FOCAD: variants seen among roughly 807,000 people sequenced by gnomAD.
The protein encoded by FOCAD is focadhesin, also known as KIAA1797.
In FOCAD, 198 loss-of-function variants were observed where a neutral mutation model predicts 225.6. The observed-to-expected ratio is 0.88, with a 90% CI of 0.78 to 0.99. The LOEUF is 0.99. FOCAD is among the 50% of genes least tolerant of loss of function. The pLI is 0.00. For synonymous variants in FOCAD, 897 were observed against 755.0 expected (o/e 1.19, Z -3.08); for missense variants, 2,713 against 2,123.6 (o/e 1.28, Z -5.46).
rs150816290 is a variant in FOCAD, at chr9:20,946,983, A to G, written c.3675+163A>G. 2.2e-3 allele frequency among the ~76,000 whole-genome samples: 341 copies of G among 152,312 alleles called. 10 individuals are homozygous for G. In the East Asian group the frequency reaches 0.044, roughly 20 times the overall value. ...TCTCACAGCTGTAGCCAAAAGTCAC[A>G]GATGTCTTTTTCTCTCCTTATCCCC... On this transcript the variant is annotated intron_variant, in intron 30 of 43. Coordinates refer to ENST00000338382, the MANE Select transcript of FOCAD (RefSeq NM_001375567.1).
At chr9:20,921,091 G>A (rs1031127530) in intron 24 of FOCAD, among the ~76,000 whole-genome samples, 2 of 151,864 alleles carry the variant, frequency 1.3e-5, no homozygotes, top group African/African-American at 4.8e-5. Flanking sequence ...AAAGCTTCAG[G>A]GATAGGGGTA....
chr9:20,688,657 C>A (rs1822800585), intron 1 of FOCAD, among the ~76,000 whole-genome samples: 1 of 152,114 alleles, frequency 6.6e-6, no homozygotes, highest in Admixed American at 6.5e-5. Context: ...AAGGGAAACG[C>A]TGGGAAACAC....
chr9:20,804,823 A>C (rs1220177326), intron 11 of FOCAD, among the ~76,000 whole-genome samples: 2 of 142,544 alleles, frequency 1.4e-5, no homozygotes, highest in Non-Finnish European at 3.0e-5. Context: ...CTGAAGATTC[A>C]TTCTTTGCTG....
intron 11 of FOCAD, among the ~76,000 whole-genome samples, chr9:20,800,137 G>C (rs62557558): frequency 0.19 from 29,089 of 151,970 alleles, 3,156 homozygotes; most frequent in South Asian, 0.34. Context: ...GAAATTCTGG[G>C]TTCAAAATTC....
chr9:20,981,833 G>A (rs962153046), intron 38 of FOCAD, 147 bp downstream of exon 38: 6 of 941,104 alleles, frequency 6.4e-6, no homozygotes, highest in Non-Finnish European at 9.4e-6. Flanking sequence ...GAGTGTATTT[G>A]TTTCCAAGAT....
Position 20,901,191 on chromosome 9 carries a change from AATGTGTGTGTGTGTGT to A in FOCAD, c.2626-5958_2626-5943del, listed in dbSNP as rs1396808766. On this transcript the variant is annotated intron_variant, in intron 21 of 43. Coordinates refer to ENST00000338382, the MANE Select transcript of FOCAD (RefSeq NM_001375567.1). ...TTTTTTTTTCTGGGAATGTGGAAAC[AATGTGTGTGTGTGTGT>A]GTGTGTGTGTGTGTGTGTGTGTGTG... 2.3e-4 allele frequency among the ~76,000 whole-genome samples: 30 copies of A among 132,424 alleles called. 1 individual carries two copies. In the East Asian group the frequency reaches 6.2e-3, roughly 27 times the overall value. The allele number at this position is 132,424 out of a possible 152,430, so 86.9% of individuals were successfully genotyped here.
intron 11 of FOCAD, among the ~76,000 whole-genome samples, chr9:20,804,485 G>A (rs1251944394): frequency 6.6e-6 from 1 of 152,068 alleles, no homozygotes; most frequent in East Asian, 1.9e-4. Flanking sequence ...GTAGAAAAAT[G>A]AAGAATCATG....
chr9:20,709,064 T>C (rs1268334987), intron 1 of FOCAD, among the ~76,000 whole-genome samples: 1 of 152,136 alleles, frequency 6.6e-6, no homozygotes, highest in East Asian at 1.9e-4. Flanking sequence ...CTAGAGAAAC[T>C]ATTGAGAAAG....
chr9:20,808,437 T>A (rs1181080690), intron 11 of FOCAD, among the ~76,000 whole-genome samples: 1 of 152,200 alleles, frequency 6.6e-6, no homozygotes, highest in Non-Finnish European at 1.5e-5. Flanking sequence ...CTAAGTATAC[T>A]GGAATAAAGG....
At chr9:20,879,911 A>G (rs180781154) in intron 19 of FOCAD, among the ~76,000 whole-genome samples, 25 of 152,290 alleles carry the variant, frequency 1.6e-4, no homozygotes, top group Non-Finnish European at 2.9e-4. Context: ...GCCCCTTGAC[A>G]TGTTTCACCT....
chr9:20,929,637 T>C (rs1419035653), intron 27 of FOCAD, 41 bp downstream of exon 27: 2 of 1,582,344 alleles, frequency 1.3e-6, no homozygotes, highest in Admixed American at 1.7e-5. Flanking sequence ...TTCTTTGTGA[T>C]TTTTTGCAAA....
chr9:20,709,506 T>TAAAAA (rs33977101), intron 1 of FOCAD, among the ~76,000 whole-genome samples: 3 of 127,922 alleles, frequency 2.3e-5, no homozygotes, highest in Non-Finnish European at 3.3e-5. Context: ...CTCTGTCTCT[T>TAAAAA]AAAAAAAAAA....
chr9:20,713,037 C>G (rs1000464634), intron 1 of FOCAD, among the ~76,000 whole-genome samples: 1 of 152,090 alleles, frequency 6.6e-6, no homozygotes, highest in African/African-American at 2.4e-5. Flanking sequence ...CTGGCCCTTT[C>G]TTCTGTGCTC....
Position 20,823,121 on chromosome 9 carries a change from C to G in FOCAD, c.1920+6C>G. The G allele has an allele frequency of 6.2e-7, 1 of 1,603,166 alleles. No homozygotes were observed. The highest frequency in any genetic ancestry group is 8.5e-7 in the Non-Finnish European group (1 of 1,175,882). On this transcript the variant is annotated splice_donor_region_variant and intron_variant, in intron 15 of 43. Transcript: ENST00000338382. ...ATGCACTCTGTCAAGCTGAGGTAGG[C>G]ATTTTTAAATTGCTTTGGATAATTT...
At chr9:20,987,350 C>T (rs551528879) in intron 40 of FOCAD, among the ~76,000 whole-genome samples, 7 of 151,976 alleles carry the variant, frequency 4.6e-5, no homozygotes, top group African/African-American at 9.6e-5. Flanking sequence ...TCTACTAAAA[C>T]GACAAAAATT....
chr9:20,918,125 G>A (rs74414017), intron 24 of FOCAD, among the ~76,000 whole-genome samples: 1 of 152,184 alleles, frequency 6.6e-6, no homozygotes. Flanking sequence ...TGAGAATGCA[G>A]GCTGTCTTTG....
chr9:20,995,685 GGAA>G lies in FOCAD; in HGVS notation c.*61_*63del. 6.6e-7 allele frequency: 1 copy of G among 1,521,894 alleles called. No individual in the cohort carries two copies. The highest frequency in any genetic ancestry group is 1.7e-5 in the Admixed American group (1 of 59,172). 94.3% of individuals were successfully genotyped at this position (1,521,894 alleles called of 1,614,324 possible). ...GCTGGATGAGGAAAACCATATAAGT[GGAA>G]GAAGTTTTTCAGAATTCATGCCTGG... On this transcript the variant is annotated 3_prime_UTR_variant, in exon 44 of 44. Transcript: ENST00000338382.
chr9:20,727,304 T>G (rs1369643768), intron 4 of FOCAD, among the ~76,000 whole-genome samples: 1 of 152,106 alleles, frequency 6.6e-6, no homozygotes, highest in Admixed American at 6.5e-5. Context: ...AGTTAGTTGA[T>G]CTGGTTGAAG....
chr9:20,874,973 ATG>A, intron 19 of FOCAD, 166 bp downstream of exon 19: 1 of 851,720 alleles, frequency 1.2e-6, no homozygotes, highest in Non-Finnish European at 1.8e-6. Flanking sequence ...TTGAGGTAGT[ATG>A]GTGTTTAAAT....
Sources: allele counts gnomAD v4.1 joint callset (sites outside exome capture counted in the v4.1 genomes callset), GRCh38; gene constraint gnomAD v4.1.1; transcripts MANE v1.5; gene names NCBI Gene and HGNC (gene_info 2026-07-23, HGNC 2026-07-21).